Variants in ADGRV1 observed in about 807,000 individuals in gnomAD.
ADGRV1 encodes adhesion G protein-coupled receptor V1, also known as G-protein coupled receptor 98.
A neutral mutation model predicts 596.2 loss-of-function variants in ADGRV1; 359 were observed. The ratio of observed to expected loss-of-function variants is 0.60; its 90% CI spans 0.55 to 0.66. The LOEUF is 0.66. Ranked by LOEUF, ADGRV1 falls within the 30% of genes least tolerant of loss-of-function variation. ADGRV1 has a pLI of 0.00. For synonymous variants in ADGRV1, 2,681 were observed against 2,679.2 expected, an observed-to-expected ratio of 1.00 and a Z score of -0.02; for missense variants, 7,274 against 7,575.6, an observed-to-expected ratio of 0.96 and a Z score of 1.48.
intron 77 of ADGRV1, among the ~76,000 whole-genome samples, chr5:90,840,168 T>C (rs1046147151): frequency 7.2e-5 from 11 of 152,176 alleles, no homozygotes; most frequent in African/African-American, 2.4e-4. Context: ...CTCTGCCTTC[T>C]CTCTACTCTC....
At chr5:90,728,039 A>G (rs1480416094) in intron 48 of ADGRV1, among the ~76,000 whole-genome samples, 1 of 152,196 alleles carries the variant, frequency 6.6e-6, no homozygotes, top group Non-Finnish European at 1.5e-5. Flanking sequence ...AGATCCATAA[A>G]GGGAAAGGTC....
At chr5:90,596,613 C>A (rs1249931268) in intron 1 of ADGRV1, among the ~76,000 whole-genome samples, 1 of 152,134 alleles carries the variant, frequency 6.6e-6, no homozygotes, top group Non-Finnish European at 1.5e-5. Flanking sequence ...CACAGCGAAA[C>A]CCCGTCTCCA....
At chr5:90,988,993 G>A (rs1780736732) in intron 85 of ADGRV1, among the ~76,000 whole-genome samples, 1 of 151,950 alleles carries the variant, frequency 6.6e-6, no homozygotes, top group South Asian at 2.1e-4. Flanking sequence ...TGGCTGCATA[G>A]TATTCCATGG....
At chr5:90,873,418 G>C (rs1236590722) in intron 83 of ADGRV1, among the ~76,000 whole-genome samples, 3 of 152,126 alleles carry the variant, frequency 2.0e-5, no homozygotes, top group African/African-American at 4.8e-5. Flanking sequence ...TTCATCTGTA[G>C]ATGATGGCAT....
rs1402858620 is a variant in ADGRV1, at chr5:90,883,797, G to T, written c.17856+19940G>T. 3.3e-5 allele frequency among the ~76,000 whole-genome samples: 5 copies of T among 152,132 alleles called. No individual in the cohort carries two copies. The East Asian group carries it at 7.7e-4, about 23-fold the overall frequency. On this transcript the variant is annotated intron_variant, in intron 83 of 89. Coordinates refer to ENST00000405460, the MANE Select transcript of ADGRV1 (RefSeq NM_032119.4). Reference sequence around the variant, plus strand: ...ACGGGACTGTGGCATGGAGAAGTGAGTTGCAGTAACTAGACCTCTGCATTC... The same window carrying T: ...ACGGGACTGTGGCATGGAGAAGTGATTTGCAGTAACTAGACCTCTGCATTC...
intron 83 of ADGRV1, among the ~76,000 whole-genome samples, chr5:90,902,028 A>G (rs1771895525): frequency 6.6e-6 from 1 of 152,078 alleles, no homozygotes; most frequent in Admixed American, 6.6e-5. Context: ...GGAGATTAGT[A>G]GTGGGGAGAC....
intron 34 of ADGRV1, among the ~76,000 whole-genome samples, chr5:90,699,716 G>A (rs147077985): frequency 6.6e-6 from 1 of 152,166 alleles, no homozygotes; most frequent in African/African-American, 2.4e-5. Flanking sequence ...AGGCCCTCCT[G>A]CTGGGTACCA....
At chr5:90,763,264 T>C in intron 58 of ADGRV1, 41 bp from the exon 59 acceptor site, 1 of 848,646 alleles carries the variant, frequency 1.2e-6, no homozygotes, top group Non-Finnish European at 1.6e-6. Flanking sequence ...GCTCTTTTTG[T>C]TTTTTTTTTT....
At chr5:90,918,024 A>T (rs867350395) in intron 83 of ADGRV1, among the ~76,000 whole-genome samples, 1 of 152,064 alleles carries the variant, frequency 6.6e-6, no homozygotes, top group Non-Finnish European at 1.5e-5. Context: ...CTGCAAAAGG[A>T]TGAATACCTA....
At chr5:90,998,773 A>G (rs376334434) in intron 85 of ADGRV1, among the ~76,000 whole-genome samples, 3 of 152,126 alleles carry the variant, frequency 2.0e-5, no homozygotes, top group South Asian at 2.1e-4. Flanking sequence ...CTGTTTCCCA[A>G]CATTCTTGCC....
chr5:90,923,911 A>C (rs374816853), intron 83 of ADGRV1, among the ~76,000 whole-genome samples: 2 of 151,666 alleles, frequency 1.3e-5, no homozygotes, highest in Non-Finnish European at 2.9e-5. Context: ...ATAGTTTACT[A>C]AGAATGATGA....
chr5:91,135,789 A>C (rs1470294940), intron 87 of ADGRV1, among the ~76,000 whole-genome samples: 2 of 152,204 alleles, frequency 1.3e-5, no homozygotes, highest in Non-Finnish European at 1.5e-5. Context: ...ATGGATGATG[A>C]TGTGACATTA....
chr5:90,900,504 T>A (rs1012920555), intron 83 of ADGRV1, among the ~76,000 whole-genome samples: 1 of 152,170 alleles, frequency 6.6e-6, no homozygotes, highest in Non-Finnish European at 1.5e-5. Flanking sequence ...CTTTTTCATT[T>A]GCTTAGGTTT....
chr5:90,914,107 A>G (rs1773138112), intron 83 of ADGRV1, among the ~76,000 whole-genome samples: 1 of 152,114 alleles, frequency 6.6e-6, no homozygotes, highest in African/African-American at 2.4e-5. Flanking sequence ...AATGCTTGGG[A>G]CCAGAAATAT....
At position 90,779,028 on chromosome 5, in the gene ADGRV1, T is replaced by C. The variant is rs1261494052; in HGVS notation, c.13013T>C (p.Leu4338Pro). The C allele has an allele frequency of 6.2e-7, 1 of 1,613,236 alleles. No homozygotes were observed. Among genetic ancestry groups the C allele is most frequent in the Non-Finnish European group, 8.5e-7 (1 of 1,179,478 alleles). ...AGGAAAAGTCTGCATGTTGAAATCC[T>C]TGATGATGACTATCCTGAAGGCCCA... is the stretch of plus-strand genomic sequence containing the variant. ...EMRKSLHVEILDDDYPEGPEE... is the reference protein window; with the variant it reads ...EMRKSLHVEIPDDDYPEGPEE... Residue 4338 changes from leucine (L) to proline (P), a missense_variant, in exon 64 of 90, where the codon CTT becomes CCT. Leu to Pro is a moderately conservative substitution (Grantham distance 98). Coordinates refer to ENST00000405460, the MANE Select transcript of ADGRV1 (RefSeq NM_032119.4).
At chr5:90,907,600 C>T (rs1005674625) in intron 83 of ADGRV1, among the ~76,000 whole-genome samples, 1 of 152,000 alleles carries the variant, frequency 6.6e-6, no homozygotes, top group Admixed American at 6.6e-5. Flanking sequence ...GCCCTTCTGC[C>T]AACTGTGATT....
chr5:90,682,792 C>T (rs902163971), intron 27 of ADGRV1, among the ~76,000 whole-genome samples: 1 of 152,270 alleles, frequency 6.6e-6, no homozygotes, highest in East Asian at 1.9e-4. Context: ...AAAAATTACT[C>T]TTAGTTGGGA....
At chr5:90,629,779 C>T (rs1765257882) in intron 9 of ADGRV1, 2 of 333,340 alleles carry the variant, frequency 6.0e-6, no homozygotes, top group African/African-American at 2.1e-5. Context: ...TAAAAGTACA[C>T]CAGACGTGAA....
In ADGRV1 at chr5:90,802,805, T is replaced by G. The variant is rs1761513865; in HGVS notation, c.14584T>G (p.Phe4862Val). The G allele has an allele frequency of 6.2e-7, 1 of 1,612,730 alleles. No homozygotes were observed. The highest frequency in any genetic ancestry group is 1.3e-5 in the African/African-American group (1 of 74,896). Reference sequence around the variant, plus strand: ...GACTGTGATGCTTGTCGGTGGACGTTTCTATGGAATGCCAACAATTCTTCA... The same window carrying G: ...GACTGTGATGCTTGTCGGTGGACGTGTCTATGGAATGCCAACAATTCTTCA... ...LVTVMLVGGR[F>V]YGMPTILQEA... The change falls in exon 71 of 90, where the codon TTC becomes GTC. Residue 4862 changes from phenylalanine (F) to valine (V), a missense_variant. By Grantham distance (50) the Phe-to-Val change is conservative. Around this residue, in one of 5 missense-constraint regions of ADGRV1, gnomAD observed 1,874 missense variants for 1,970.2 expected, o/e 0.95. Transcript: ENST00000405460.
Sources: gnomAD v4.1 joint callset for allele counts (sites outside exome capture counted in the v4.1 genomes callset) on GRCh38, gnomAD v4.1.1 for gene constraint, gnomAD v4.1.1 regional missense constraint, MANE v1.5 for transcripts, NCBI Gene and HGNC (gene_info 2026-07-23, HGNC 2026-07-21) for gene names.